HSD17B12: variants seen among roughly 807,000 people sequenced by gnomAD.
The protein encoded by HSD17B12 is hydroxysteroid 17-beta dehydrogenase 12.
HSD17B12 carries 32 observed loss-of-function variants against 39.3 expected under a neutral mutation model. The observed-to-expected ratio is 0.81, with a 90% CI of 0.61 to 1.09. The LOEUF is 1.09. HSD17B12 is among the 50% of genes least tolerant of loss of function. The pLI, the probability that HSD17B12 is intolerant of heterozygous loss-of-function variation, is 0.00. For synonymous variants in HSD17B12, 150 were observed against 146.7 expected (o/e 1.02, Z -0.16); for missense variants, 342 against 382.9 (o/e 0.89, Z 0.89).
chr11:43,762,858 A>G (rs1212115354), intron 3 of HSD17B12, among the ~76,000 whole-genome samples: 1 of 152,232 alleles, frequency 6.6e-6, no homozygotes, highest in Non-Finnish European at 1.5e-5. Context: ...GTTTCTATTC[A>G]TCCTGAAAAG....
chr11:43,627,969 GC>G, the HSD17B12 span, among the ~76,000 whole-genome samples: 1 of 151,344 alleles, frequency 6.6e-6, no homozygotes, highest in Non-Finnish European at 1.5e-5. Flanking sequence ...TTTTTTAATT[GC>G]TAGGGAAGTT....
chr11:43,753,394 T>C (rs931162721), intron 2 of HSD17B12, among the ~76,000 whole-genome samples: 3 of 146,428 alleles, frequency 2.0e-5, no homozygotes, highest in Non-Finnish European at 4.5e-5. Context: ...CTTTTTTTTT[T>C]TTTTTTTTGA....
At chr11:43,744,920 C>T (rs1950399929) in intron 1 of HSD17B12, among the ~76,000 whole-genome samples, 1 of 152,192 alleles carries the variant, frequency 6.6e-6, no homozygotes, top group African/African-American at 2.4e-5. Flanking sequence ...ACCTTTGTCC[C>T]TGAGTGTGGC....
chr11:43,831,501 C>G lies in HSD17B12; in HGVS notation c.536+491C>G, dbSNP rs1951310493. ...TGGAGGAAAAGGCAATGTCCACTCG[C>G]CCCATCTTTGTTCCAGTTTGAATTG... On this transcript the variant is annotated intron_variant, in intron 7 of 10. Coordinates refer to ENST00000278353, the MANE Select transcript of HSD17B12 (RefSeq NM_016142.3). The surrounding 1 kb of genome is among the most constrained non-coding windows in gnomAD (Gnocchi z 4.1). 1 of 152,264 alleles carries G rather than the reference C, an allele frequency of 6.6e-6. No homozygotes were observed. The highest frequency in any genetic ancestry group is 6.5e-5 in the Admixed American group (1 of 15,282). 9.4% of individuals were successfully genotyped at this position (152,264 alleles called of 1,614,324 possible).
intron 3 of HSD17B12, among the ~76,000 whole-genome samples, chr11:43,776,448 G>T (rs1301463272): frequency 6.6e-6 from 1 of 151,948 alleles, no homozygotes; most frequent in African/African-American, 2.4e-5. Context: ...TTTTTGATGG[G>T]GTTGTTTGTT....
chr11:43,639,363 C>T, the HSD17B12 span, among the ~76,000 whole-genome samples: 1 of 152,264 alleles, frequency 6.6e-6, no homozygotes, highest in East Asian at 1.9e-4. Flanking sequence ...TTAGGTCTTT[C>T]TTCTTTTTGC....
chr11:43,838,708 C>T (rs1346596542), intron 8 of HSD17B12, among the ~76,000 whole-genome samples: 1 of 152,044 alleles, frequency 6.6e-6, no homozygotes, highest in Non-Finnish European at 1.5e-5. Context: ...AGACAGGTGA[C>T]CTAGGCAGAT....
intron 3 of HSD17B12, among the ~76,000 whole-genome samples, chr11:43,789,930 C>A (rs1170310181): frequency 6.6e-6 from 1 of 152,150 alleles, no homozygotes; most frequent in Middle Eastern, 3.4e-3. Flanking sequence ...AGACCCTGTC[C>A]CACTGCCCAC....
At chr11:43,692,938 A>C (rs1949876176) in intron 1 of HSD17B12, among the ~76,000 whole-genome samples, 1 of 152,236 alleles carries the variant, frequency 6.6e-6, no homozygotes, top group African/African-American at 2.4e-5. Flanking sequence ...TGAATACTAC[A>C]GTTGGTTGAC....
In HSD17B12 at chr11:43,798,445, A is replaced by G. The variant is rs1470538641; in HGVS notation, c.391+18A>G. The G allele has an allele frequency of 7.0e-7, 1 of 1,434,578 alleles. No homozygotes were observed. Among genetic ancestry groups the G allele is most frequent in the Non-Finnish European group, 9.8e-7 (1 of 1,024,118 alleles). 88.9% of individuals were successfully genotyped at this position (1,434,578 alleles called of 1,614,324 possible). ...CATCTTAGGTTTGTATTTTTGCCACATTTATAGGTTCTTCTTGTATTTATT... is the reference window on the plus strand; with the variant it reads ...CATCTTAGGTTTGTATTTTTGCCACGTTTATAGGTTCTTCTTGTATTTATT... On this transcript the variant is annotated intron_variant, in intron 4 of 10. Transcript: ENST00000278353.
At chr11:43,698,907 A>G (rs2134802353) in intron 1 of HSD17B12, among the ~76,000 whole-genome samples, 1 of 152,300 alleles carries the variant, frequency 6.6e-6, no homozygotes, top group South Asian at 2.1e-4. Context: ...GTGATTATCT[A>G]ATATATATCA....
At chr11:43,625,843 T>G in the HSD17B12 span, among the ~76,000 whole-genome samples, 1 of 151,426 alleles carries the variant, frequency 6.6e-6, no homozygotes, top group Non-Finnish European at 1.5e-5. Flanking sequence ...GATTCTTTAT[T>G]TTCTCTCACA....
intron 7 of HSD17B12, among the ~76,000 whole-genome samples, chr11:43,835,930 A>G (rs1286415505): frequency 6.6e-6 from 1 of 152,136 alleles, no homozygotes; most frequent in Non-Finnish European, 1.5e-5. Flanking sequence ...AACTTTTATT[A>G]TCTTTAAATG....
the HSD17B12 span, chr11:43,640,932 T>G: frequency 9.8e-6 from 1 of 102,470 alleles, no homozygotes; most frequent in Non-Finnish European, 2.4e-5. Context: ...CATTTACTTG[T>G]TTTTTTTTTA....
At chr11:43,787,683 G>A (rs772742006) in intron 3 of HSD17B12, among the ~76,000 whole-genome samples, 2 of 151,286 alleles carry the variant, frequency 1.3e-5, no homozygotes, top group Non-Finnish European at 2.9e-5. Context: ...GTTGCAGTGA[G>A]CTAAGATTGC....
chr11:43,682,836 G>A (rs1385195393), intron 1 of HSD17B12, among the ~76,000 whole-genome samples: 2 of 151,558 alleles, frequency 1.3e-5, no homozygotes, highest in African/African-American at 4.8e-5. Context: ...CAGGCTGGAG[G>A]GCAGTGGTGT....
At chr11:43,575,013 TC>T in the HSD17B12 span, among the ~76,000 whole-genome samples, 1 of 152,148 alleles carries the variant, frequency 6.6e-6, no homozygotes, top group South Asian at 2.1e-4. This position sits in a 1 kb window ranked among gnomAD's most constrained non-coding sequence, Gnocchi z 4.1. Context: ...CTCTGGGCGC[TC>T]CCCACCGCCA....
chr11:43,585,324 A>C, the HSD17B12 span, among the ~76,000 whole-genome samples: 6 of 152,154 alleles, frequency 3.9e-5, no homozygotes, highest in Non-Finnish European at 7.3e-5. Context: ...TTCGGTTCAG[A>C]GCTTGGCAGA....
At chr11:43,608,872 C>T in the HSD17B12 span, among the ~76,000 whole-genome samples, 2 of 152,116 alleles carry the variant, frequency 1.3e-5, no homozygotes, top group African/African-American at 4.8e-5. Context: ...CCCCTTGCTG[C>T]CTCATAGGGA....
Sources: allele counts gnomAD v4.1 joint callset (sites outside exome capture counted in the v4.1 genomes callset), GRCh38; gene constraint gnomAD v4.1.1; non-coding constraint Gnocchi (gnomAD v3.1); transcripts MANE v1.5; gene names NCBI Gene and HGNC (gene_info 2026-07-23, HGNC 2026-07-21).